Variants in ENOSF1 observed in about 807,000 individuals in gnomAD.
ENOSF1 encodes the protein mitochondrial enolase superfamily member 1.
A neutral mutation model predicts 68.2 loss-of-function variants in ENOSF1; 73 were observed. The ratio of observed to expected loss-of-function variants is 1.07; its 90% confidence interval spans 0.89 to 1.30. The LOEUF is 1.30. Ranked by LOEUF, ENOSF1 falls within the 50% of genes most tolerant of loss-of-function variation. The pLI is 0.00. For missense variants in ENOSF1, 589 were observed against 554.5 expected, an observed-to-expected ratio of 1.06 and a Z score of -0.62; for synonymous variants, 223 against 210.4, an observed-to-expected ratio of 1.06 and a Z score of -0.52.
At chr18:678,837 T>C (rs2075784149) in intron 11 of ENOSF1, 100 bp from the exon 12 acceptor site, 2 of 1,281,096 alleles carry the variant, frequency 1.6e-6, no homozygotes, top group African/African-American at 1.5e-5. Context: ...ACGGCCCTGC[T>C]GTTAAGCCAT....
chr18:675,483 G>A (rs376888365), intron 14 of ENOSF1, 81 bp from the exon 15 acceptor site: 43 of 1,204,540 alleles, frequency 3.6e-5, no homozygotes, highest in Middle Eastern at 1.9e-4. Context: ...CAGAAGGAGC[G>A]AGTACCACTC....
At position 670,395 on chromosome 18, in the gene ENOSF1, T is replaced by G; in HGVS notation, c.*3910A>C. On this transcript the variant is annotated 3_prime_UTR_variant, in exon 16 of 16. Transcript: ENST00000647584. The stretch of plus-strand genomic sequence containing the variant: ...CAGTTTCCTGTGGCAAACAGAATTA[T>G]TCCTGCTGTATTTGTAATCTGGTGC... The G allele has an allele frequency of 3.3e-6, 1 of 300,584 alleles. No individual in the cohort carries two copies. Among genetic ancestry groups the G allele is most frequent in the Non-Finnish European group, 6.2e-6 (1 of 160,982 alleles). 18.6% of individuals were successfully genotyped at this position (300,584 alleles called of 1,614,324 possible).
chr18:665,264 G>T, the ENOSF1 span, among the ~76,000 whole-genome samples: 1 of 150,754 alleles, frequency 6.6e-6, no homozygotes, highest in Non-Finnish European at 1.5e-5. Context: ...TATGTGTCAA[G>T]GAATTTATCC....
At chr18:699,937 G>C (rs1047847513) in intron 2 of ENOSF1, among the ~76,000 whole-genome samples, 1 of 152,170 alleles carries the variant, frequency 6.6e-6, no homozygotes, top group Admixed American at 6.5e-5. Flanking sequence ...AAAATTAGCT[G>C]GGCATGGTGG....
the ENOSF1 span, among the ~76,000 whole-genome samples, chr18:663,995 T>C: frequency 9.0e-5 from 9 of 99,492 alleles, 3 homozygotes; most frequent in African/African-American, 5.8e-4. Flanking sequence ...GACTTGGCGA[T>C]GTGGGCTCTT....
Position 671,499 on chromosome 18 carries a change from A to AGAG in ENOSF1, c.*2805_*2806insCTC. 8.2e-7 allele frequency: 1 copy of AGAG among 1,221,208 alleles called. No individual in the cohort carries two copies. The highest frequency in any genetic ancestry group is 1.2e-6 in the Non-Finnish European group (1 of 823,170). The allele number at this position is 1,221,208 out of a possible 1,614,324, so 75.6% of individuals were successfully genotyped here. On this transcript the variant is annotated 3_prime_UTR_variant, in exon 16 of 16. Transcript: ENST00000647584. ...TTGGGTTTGGTACCTTCTCTTGATA[A>AGAG]AAGGTTGACTGTGGAACAGGCATCT...
At position 688,587 on chromosome 18, in the gene ENOSF1, C is replaced by G; in HGVS notation, c.640G>C (p.Asp214His). 6.2e-7 allele frequency: 1 copy of G among 1,614,090 alleles called. No individual in the cohort carries two copies. Among genetic ancestry groups the G allele is most frequent in the Non-Finnish European group, 8.5e-7 (1 of 1,180,012 alleles). Residue 214 changes from aspartate to histidine, a missense_variant, in exon 9 of 16, where the codon GAT (aspartate) becomes CAT (histidine). Transcript: ENST00000647584. ...LKQLCAQALK[D>H]GWTRFKVKVG... ...CATCACACTCACCTGGTCCAGCCATCCTTCAGCGCCTGGGCACAGAGCTGT... is the reference window on the plus strand; with the variant it reads ...CATCACACTCACCTGGTCCAGCCATGCTTCAGCGCCTGGGCACAGAGCTGT...
intron 5 of ENOSF1, chr18:693,635 C>T (rs1484591464): frequency 2.0e-6 from 2 of 985,320 alleles, no homozygotes; most frequent in Non-Finnish European, 2.4e-6. Flanking sequence ...GTGTGTTACA[C>T]ATGCACAGTG....
chr18:678,824 G>GA, intron 11 of ENOSF1, 87 bp from the exon 12 acceptor site: 1 of 1,429,634 alleles, frequency 7.0e-7, no homozygotes, highest in Admixed American at 1.7e-5. Context: ...GCTGAAGGAG[G>GA]AAACGGCCCT....
chr18:693,952 T>C, intron 4 of ENOSF1, 44 bp from the exon 5 acceptor site: 1 of 1,604,372 alleles, frequency 6.2e-7, no homozygotes, highest in Non-Finnish European at 8.5e-7. Flanking sequence ...ATGTGTAAAG[T>C]CCCCATTTTT....
At chr18:674,527 T>A (rs1194573835) in intron 15 of ENOSF1, 121 bp from the exon 16 acceptor site, 13 of 646,390 alleles carry the variant, frequency 2.0e-5, no homozygotes, top group Admixed American at 6.4e-5. Flanking sequence ...TAATTAATTT[T>A]TTTTTTTTTG....
intron 2 of ENOSF1, among the ~76,000 whole-genome samples, chr18:702,082 G>A (rs1342800835): frequency 6.6e-6 from 1 of 151,238 alleles, no homozygotes; most frequent in East Asian, 2.0e-4. Flanking sequence ...TGGGCAAAAT[G>A]ATGAAATCCT....
the ENOSF1 span, among the ~76,000 whole-genome samples, chr18:663,364 T>A: frequency 1.3e-5 from 1 of 78,950 alleles, no homozygotes; most frequent in African/African-American, 7.7e-5. Context: ...GATGGGGTTG[T>A]TTGTTTTTTT....
Position 670,670 on chromosome 18 carries a change from T to C in ENOSF1, c.*3635A>G. Reference sequence around the variant, plus strand: ...TCTTTCAAACCACCATCCCTCCTTATCTTCCTCTGCTGGTTCCTCAGATCT... The same window carrying C: ...TCTTTCAAACCACCATCCCTCCTTACCTTCCTCTGCTGGTTCCTCAGATCT... On this transcript the variant is annotated 3_prime_UTR_variant, in exon 16 of 16. Coordinates refer to ENST00000647584, the MANE Select transcript of ENOSF1 (RefSeq NM_017512.7). The C allele has an allele frequency of 6.2e-7, 1 of 1,612,260 alleles. No homozygotes were observed. The highest frequency in any genetic ancestry group is 8.5e-7 in the Non-Finnish European group (1 of 1,178,850).
chr18:680,389 G>T (rs935479030), intron 11 of ENOSF1, among the ~76,000 whole-genome samples: 3 of 152,182 alleles, frequency 2.0e-5, no homozygotes, highest in African/African-American at 7.2e-5. Flanking sequence ...ACGGAGGAAG[G>T]GGGAGGAGGA....
rs373690336 is a variant in ENOSF1 at position 677,458 on chromosome 18, G to A, written c.1049-14C>T. On this transcript the variant is annotated splice_polypyrimidine_tract_variant and intron_variant, in intron 13 of 15. Coordinates refer to ENST00000647584, the MANE Select transcript of ENOSF1 (RefSeq NM_017512.7). ...GGCAAACAGGAACTAAAAGGAAATC[G>A]TTTCTATTTAATACCAAGAGTAGGG... The A allele has an allele frequency of 3.1e-5, 50 of 1,608,596 alleles. No individual in the cohort carries two copies. Among genetic ancestry groups the A allele is most frequent in the East Asian group, 2.2e-4 (10 of 44,844 alleles).
At chr18:708,383 C>A (rs1462088407) in intron 1 of ENOSF1, among the ~76,000 whole-genome samples, 3 of 151,712 alleles carry the variant, frequency 2.0e-5, no homozygotes, top group Admixed American at 1.3e-4. Context: ...AGAAGACCTG[C>A]TTATAGAACG....
chr18:693,720 A>G (rs923041176), intron 5 of ENOSF1, 162 bp downstream of exon 5: 7 of 985,274 alleles, frequency 7.1e-6, no homozygotes, highest in African/African-American at 3.5e-5. Context: ...GTTACGTCAG[A>G]TATCAGAAAA....
intron 11 of ENOSF1, among the ~76,000 whole-genome samples, chr18:680,265 A>G (rs560816685): frequency 6.6e-6 from 1 of 152,342 alleles, no homozygotes; most frequent in South Asian, 2.1e-4. Flanking sequence ...AGAAGGCCTT[A>G]GTTTGAGCAG....
Sources: gnomAD v4.1 joint callset for allele counts (sites outside exome capture counted in the v4.1 genomes callset) on GRCh38, gnomAD v4.1.1 for gene constraint, MANE v1.5 for transcripts, NCBI Gene and HGNC (gene_info 2026-07-23, HGNC 2026-07-21) for gene names.